NFKB1: variants seen among roughly 807,000 people sequenced by gnomAD.
The protein encoded by NFKB1 is nuclear factor NF-kappa-B p105 subunit.
Under a neutral mutation model 105.1 loss-of-function variants are expected in NFKB1, and 9 were observed. The observed-to-expected ratio is 0.09, with a 90% CI of 0.05 to 0.15. The LOEUF (loss-of-function observed/expected upper bound fraction) is 0.15. NFKB1 is among the 10% of genes least tolerant of loss of function. The pLI is 1.00. For synonymous variants in NFKB1, 440 were observed against 442.2 expected, an observed-to-expected ratio of 1.00 and a Z score of 0.06; for missense variants, 830 against 1,203.7, an observed-to-expected ratio of 0.69 and a Z score of 4.59.
rs139727308 is a variant in NFKB1 at position 102,585,041 on chromosome 4, C to T, written c.1066+221C>T. The stretch of plus-strand genomic sequence containing the variant: ...GGACTACAGGTGTGCGCCACCATGC[C>T]GGGCTAATTTTTTTTTTTTTTTACT... On this transcript the variant is annotated intron_variant, in intron 11 of 23. Transcript: ENST00000226574. Among the ~76,000 whole-genome samples, 347 of 151,822 alleles carry T rather than the reference C, an allele frequency of 2.3e-3. 1 individual carries two copies. The highest frequency in any genetic ancestry group is 8.0e-3 in the African/African-American group (330 of 41,418).
intron 12 of NFKB1, among the ~76,000 whole-genome samples, 162 bp from the exon 13 acceptor site, chr4:102,594,730 A>T (rs888499765): frequency 6.6e-6 from 1 of 151,892 alleles, no homozygotes; most frequent in Non-Finnish European, 1.5e-5. Flanking sequence ...TAGTCCCATG[A>T]CCCCCACCAT....
intron 5 of NFKB1, among the ~76,000 whole-genome samples, chr4:102,549,366 T>C (rs1560663041): frequency 6.7e-6 from 1 of 148,582 alleles, no homozygotes; most frequent in African/African-American, 2.4e-5. Context: ...TATATTATTC[T>C]ATTAATATAG....
At chr4:102,525,085 A>G (rs1316486168) in intron 1 of NFKB1, among the ~76,000 whole-genome samples, 1 of 152,184 alleles carries the variant, frequency 6.6e-6, no homozygotes, top group Non-Finnish European at 1.5e-5. Context: ...AAACTTTGAG[A>G]CAGTTCTGGG....
chr4:102,520,842 A>G (rs1364405673), intron 1 of NFKB1, among the ~76,000 whole-genome samples: 1 of 152,178 alleles, frequency 6.6e-6, no homozygotes, highest in African/African-American at 2.4e-5. Context: ...CTCATTTATC[A>G]TGTTTTATTC....
intron 5 of NFKB1, 141 bp from the exon 6 acceptor site, chr4:102,566,845 TA>T: frequency 2.6e-6 from 2 of 778,116 alleles, no homozygotes; most frequent in Non-Finnish European, 2.0e-6. Context: ...CACATACTTT[TA>T]AAAACAGGGC....
intron 11 of NFKB1, among the ~76,000 whole-genome samples, chr4:102,586,017 G>T: frequency 6.6e-6 from 1 of 152,172 alleles, no homozygotes; most frequent in East Asian, 1.9e-4. Context: ...TCTGGAGAGG[G>T]ATAGCCGGGC....
intron 5 of NFKB1, among the ~76,000 whole-genome samples, chr4:102,549,251 GT>G (rs1722384583): frequency 6.6e-6 from 1 of 151,746 alleles, no homozygotes; most frequent in South Asian, 2.1e-4. Flanking sequence ...TTTATCCCAA[GT>G]TTTAGCTTAG....
intron 5 of NFKB1, among the ~76,000 whole-genome samples, chr4:102,554,772 C>T (rs1722862002): frequency 6.6e-6 from 1 of 152,152 alleles, no homozygotes; most frequent in African/African-American, 2.4e-5. Context: ...CAGGGCAGTA[C>T]ATCTCTGAGT....
intron 14 of NFKB1, among the ~76,000 whole-genome samples, chr4:102,596,846 A>G (rs1408905218): frequency 2.6e-5 from 4 of 151,958 alleles, no homozygotes; most frequent in Non-Finnish European, 5.9e-5. Context: ...CCTAGATCGT[A>G]CTAAGAAGAC....
rs182584301 is a variant in NFKB1, at chr4:102,538,636, G to T, written c.258+680G>T. ...ACCTTTTACCATGTTCAGGCTGTTT[G>T]TTTATTTGAGAATATTTTTCTTTAA... On this transcript the variant is annotated intron_variant, in intron 5 of 23. Coordinates refer to ENST00000226574, the MANE Select transcript of NFKB1 (RefSeq NM_003998.4). Among the ~76,000 whole-genome samples the T allele has an allele frequency of 3.6e-3, 546 of 152,136 alleles. 4 individuals are homozygous for T. Among genetic ancestry groups the T allele is most frequent in the African/African-American group, 0.013 (533 of 41,512 alleles).
At chr4:102,528,295 A>G (rs1741057985) in intron 2 of NFKB1, among the ~76,000 whole-genome samples, 1 of 152,166 alleles carries the variant, frequency 6.6e-6, no homozygotes, top group African/African-American at 2.4e-5. Context: ...ATTTTTGCAG[A>G]ACATGGTTTT....
intron 11 of NFKB1, among the ~76,000 whole-genome samples, chr4:102,589,483 T>C (rs1191356077): frequency 1.3e-5 from 2 of 152,174 alleles, no homozygotes; most frequent in African/African-American, 4.8e-5. Context: ...GTTTTTTTTT[T>C]TTCCTGGGAA....
intron 23 of NFKB1, among the ~76,000 whole-genome samples, chr4:102,615,891 T>C (rs976729574): frequency 7.2e-5 from 11 of 152,350 alleles, no homozygotes; most frequent in East Asian, 1.9e-4. Flanking sequence ...AGGACACTTA[T>C]AAACAAAGGG....
chr4:102,539,931 G>T (rs1741890887), intron 5 of NFKB1, among the ~76,000 whole-genome samples: 2 of 152,152 alleles, frequency 1.3e-5, no homozygotes, highest in African/African-American at 4.8e-5. Flanking sequence ...AAACAAGGGA[G>T]AGAGAGGCTC....
Position 102,606,517 on chromosome 4 carries a change from A to G in NFKB1, c.1774A>G (p.Ile592Val), listed in dbSNP as rs1187853840. The change falls in exon 17 of 24, where the codon ATC (isoleucine) becomes GTC (valine). Residue 592 changes from isoleucine to valine, a missense_variant. By Grantham distance (29) the Ile-to-Val change is conservative. Around this residue, in one of 8 missense-constraint regions of NFKB1, gnomAD observed 418 missense variants for 575.3 expected, o/e 0.73. Transcript: ENST00000226574. ...CCAGACGCCCTTGCACTTGGCAGTG[A>G]TCACTAAGCAGGAAGATGTGGTGGA... Reference protein sequence around the residue: ...LYQTPLHLAVITKQEDVVEDL... With the variant: ...LYQTPLHLAVVTKQEDVVEDL... 4 of 1,614,152 alleles carry G rather than the reference A, an allele frequency of 2.5e-6. No individual in the cohort carries two copies. Among genetic ancestry groups the G allele is most frequent in the South Asian group, 1.1e-5 (1 of 91,080 alleles).
At chr4:102,530,731 T>C (rs1006750916) in intron 3 of NFKB1, among the ~76,000 whole-genome samples, 7 of 152,208 alleles carry the variant, frequency 4.6e-5, no homozygotes, top group African/African-American at 1.2e-4. Context: ...TGTATTATTC[T>C]CATTTAAAAT....
At chr4:102,614,398 T>C (rs907010650) in intron 23 of NFKB1, among the ~76,000 whole-genome samples, 2 of 152,158 alleles carry the variant, frequency 1.3e-5, no homozygotes, top group African/African-American at 4.8e-5. Flanking sequence ...CTAGGTCACC[T>C]AGCAAGCATT....
At chr4:102,504,093 TA>T (rs1185080876) in intron 1 of NFKB1, among the ~76,000 whole-genome samples, 1 of 152,206 alleles carries the variant, frequency 6.6e-6, no homozygotes, top group Non-Finnish European at 1.5e-5. Flanking sequence ...GGTTACTTCA[TA>T]ACCTTCAATT....
At chr4:102,548,678 C>T (rs990081755) in intron 5 of NFKB1, among the ~76,000 whole-genome samples, 2 of 152,142 alleles carry the variant, frequency 1.3e-5, no homozygotes, top group African/African-American at 2.4e-5. Context: ...CCTTTGAAGG[C>T]TCTAGGCAAT....
Sources: gnomAD v4.1 joint callset for allele counts (sites outside exome capture counted in the v4.1 genomes callset) on GRCh38, gnomAD v4.1.1 for gene constraint, gnomAD v4.1.1 regional missense constraint, MANE v1.5 for transcripts, NCBI Gene and HGNC (gene_info 2026-07-23, HGNC 2026-07-21) for gene names.